The following FGF14 variants were observed in gnomAD, a reference collection of about 807,000 sequenced individuals.
FGF14 encodes the protein fibroblast growth factor 14, also known as fibroblast growth factor homologous factor 4.
A neutral mutation model predicts 25.5 loss-of-function variants in FGF14; 5 were observed. The ratio of observed to expected loss-of-function variants is 0.20; its 90% CI spans 0.10 to 0.41. FGF14 has a LOEUF of 0.41. Among genes scored for constraint, FGF14 ranks in the 10% least tolerant of loss-of-function variants. The pLI is 1.00. For missense variants in FGF14, 222 were observed against 320.1 expected (o/e 0.69, Z 2.34); for synonymous variants, 138 against 118.3 (o/e 1.17, Z -1.08).
intron 1 of FGF14, among the ~76,000 whole-genome samples, chr13:102,079,209 C>T (rs774914164): frequency 2.0e-4 from 30 of 152,130 alleles, no homozygotes; most frequent in Non-Finnish European, 3.8e-4. Context: ...CCTGTCTTAC[C>T]ATGCTCTCGT....
chr13:101,929,811 G>C (rs540989148), intron 1 of FGF14, among the ~76,000 whole-genome samples: 111 of 152,290 alleles, frequency 7.3e-4, no homozygotes, highest in Non-Finnish European at 1.5e-3. Flanking sequence ...ATCAGTAGGT[G>C]GTGGGTTGTA....
At chr13:101,809,303 A>G (rs1319488436) in intron 3 of FGF14, among the ~76,000 whole-genome samples, 1 of 152,144 alleles carries the variant, frequency 6.6e-6, no homozygotes, top group Admixed American at 6.6e-5. Flanking sequence ...ATGATTAAAA[A>G]TCTTTAACCT....
chr13:102,004,636 A>C lies in FGF14; in HGVS notation c.209-129340T>G, dbSNP rs567360411. 3.3e-5 allele frequency among the ~76,000 whole-genome samples: 5 copies of C among 152,252 alleles called. No homozygotes were observed. In the East Asian group the frequency reaches 9.6e-4, roughly 29 times the overall value. ...ATCTTATTCCTCAGTAATTATCTTG[A>C]CTGAGTTGCCTTTGGAGAAACAGGC... On this transcript the variant is annotated intron_variant, in intron 1 of 4. Transcript: ENST00000376131.
At chr13:102,329,103 T>G (rs1490704103) in intron 1 of FGF14, among the ~76,000 whole-genome samples, 1 of 152,226 alleles carries the variant, frequency 6.6e-6, no homozygotes. Flanking sequence ...GCTGAAGTTC[T>G]TTCACTTTCA....
At chr13:102,194,641 T>G (rs754962017) in intron 1 of FGF14, among the ~76,000 whole-genome samples, 1 of 152,056 alleles carries the variant, frequency 6.6e-6, no homozygotes, top group Non-Finnish European at 1.5e-5. Flanking sequence ...AACATCCACA[T>G]AATGAAAACT....
chr13:102,153,579 G>T (rs2047185270), intron 1 of FGF14, among the ~76,000 whole-genome samples: 1 of 152,094 alleles, frequency 6.6e-6, no homozygotes, highest in Non-Finnish European at 1.5e-5. Flanking sequence ...ACCATTTTGA[G>T]AATTTTGTTT....
chr13:102,226,445 G>A (rs2050829540), intron 1 of FGF14, among the ~76,000 whole-genome samples: 1 of 152,112 alleles, frequency 6.6e-6, no homozygotes, highest in South Asian at 2.1e-4. Flanking sequence ...TCTGTATAAT[G>A]CCTATTTCAA....
chr13:102,350,376 TA>T (rs11332521), intron 1 of FGF14, among the ~76,000 whole-genome samples: 32,117 of 136,172 alleles, frequency 0.24, 3,300 homozygotes, highest in African/African-American at 0.25. Flanking sequence ...CCTCTTTAAT[TA>T]AAAAAAAAAA....
intron 1 of FGF14, among the ~76,000 whole-genome samples, chr13:102,193,537 G>A (rs2140837812): frequency 6.6e-6 from 1 of 152,246 alleles, no homozygotes; most frequent in South Asian, 2.1e-4. Context: ...GACATTAATG[G>A]TAACAGAGTT....
At position 102,048,976 on chromosome 13, in the gene FGF14, G is replaced by A. The variant is rs144711118; in HGVS notation, c.209-173680C>T. Among the ~76,000 whole-genome samples the A allele has an allele frequency of 4.3e-3, 656 of 152,124 alleles. 7 individuals are homozygous for A. Among genetic ancestry groups the A allele is most frequent in the African/African-American group, 0.015 (608 of 41,496 alleles). ...AGTCTTTTGATATTGCTGTATTTCAGCTGATAATGGGAGAAAAAAGTTAGA... is the reference window on the plus strand; with the variant it reads ...AGTCTTTTGATATTGCTGTATTTCAACTGATAATGGGAGAAAAAAGTTAGA... On this transcript the variant is annotated intron_variant, in intron 1 of 4. Coordinates refer to the FGF14 transcript ENST00000376131.
At chr13:101,991,734 G>A (rs905462566) in intron 1 of FGF14, among the ~76,000 whole-genome samples, 2 of 152,062 alleles carry the variant, frequency 1.3e-5, no homozygotes, top group African/African-American at 4.8e-5. Context: ...CACTTAAGCT[G>A]TAATCGGTGA....
chr13:102,269,120 T>C (rs2053129672), intron 1 of FGF14, among the ~76,000 whole-genome samples: 1 of 152,226 alleles, frequency 6.6e-6, no homozygotes, highest in African/African-American at 2.4e-5. Flanking sequence ...GAATGACTTG[T>C]TTGGCACAAA....
chr13:102,194,061 A>G (rs1160642902), intron 1 of FGF14, among the ~76,000 whole-genome samples: 1 of 152,178 alleles, frequency 6.6e-6, no homozygotes, highest in Non-Finnish European at 1.5e-5. Flanking sequence ...TGAGAATGAT[A>G]TATCAGCAAA....
intron 1 of FGF14, among the ~76,000 whole-genome samples, chr13:102,360,784 A>G (rs1017641348): frequency 6.6e-6 from 1 of 152,144 alleles, no homozygotes; most frequent in Non-Finnish European, 1.5e-5. Context: ...CAGTCAAAAT[A>G]CAATTCTTAT....
At chr13:101,751,758 C>T (rs777488281) in intron 3 of FGF14, among the ~76,000 whole-genome samples, 15 of 152,084 alleles carry the variant, frequency 9.9e-5, no homozygotes, top group Non-Finnish European at 1.9e-4. Context: ...GACCATCTGA[C>T]CCACAAGCCT....
At chr13:102,202,509 A>C (rs578072477) in intron 1 of FGF14, among the ~76,000 whole-genome samples, 1 of 152,306 alleles carries the variant, frequency 6.6e-6, no homozygotes, top group East Asian at 1.9e-4. Flanking sequence ...AATCACCACT[A>C]GTCTGTTCAT....
At chr13:101,986,553 G>C (rs1435591325) in intron 1 of FGF14, among the ~76,000 whole-genome samples, 3 of 152,088 alleles carry the variant, frequency 2.0e-5, no homozygotes, top group Non-Finnish European at 4.4e-5. Context: ...GGGAAACAAT[G>C]AGTCAAAGTT....
chr13:102,328,228 T>A (rs2056524119), intron 1 of FGF14, among the ~76,000 whole-genome samples: 1 of 152,224 alleles, frequency 6.6e-6, no homozygotes, highest in South Asian at 2.1e-4. Flanking sequence ...AAGGTTGAAG[T>A]TCTTCATAAG....
intron 1 of FGF14, among the ~76,000 whole-genome samples, chr13:101,990,958 T>C (rs1363134549): frequency 6.6e-6 from 1 of 152,100 alleles, no homozygotes. Flanking sequence ...TGAATCTAAA[T>C]TTAAGTGAAA....
Sources: allele counts gnomAD v4.1 joint callset (sites outside exome capture counted in the v4.1 genomes callset), GRCh38; gene constraint gnomAD v4.1.1; transcripts MANE v1.5; gene names NCBI Gene and HGNC (gene_info 2026-07-23, HGNC 2026-07-21).